TNNI3K: variants seen among roughly 807,000 people sequenced by gnomAD.
TNNI3K encodes the protein serine/threonine-protein kinase TNNI3K.
In TNNI3K, 140 loss-of-function variants were observed where a neutral mutation model predicts 114.5. That is an observed-to-expected ratio of 1.22 (90% CI 1.07 to 1.41). The LOEUF is 1.41. Among genes scored for constraint, TNNI3K ranks in the 40% most tolerant of loss-of-function variants. The pLI is 0.00. For synonymous variants in TNNI3K, 347 were observed against 347.5 expected (o/e 1.00, Z 0.02); for missense variants, 1,125 against 1,007.6 (o/e 1.12, Z -1.58).
rs532560678 is a variant in TNNI3K, at chr1:74,503,000, G to A, written c.2351+10734G>A. Among the ~76,000 whole-genome samples, 21 of 152,298 alleles carry A rather than the reference G, an allele frequency of 1.4e-4. No individual in the cohort carries two copies. In the South Asian group the frequency reaches 4.4e-3, roughly 32 times the overall value. On this transcript the variant is annotated intron_variant, in intron 23 of 24. Transcript: ENST00000326637. ...AGTGACACTTGTGGACTAGCTTTGA[G>A]GATAGCTCTACTTCAGCATGATTTC...
chr1:74,515,910 T>C (rs928633061), intron 23 of TNNI3K, among the ~76,000 whole-genome samples: 3 of 152,204 alleles, frequency 2.0e-5, no homozygotes, highest in Non-Finnish European at 4.4e-5. Flanking sequence ...ATAGTGCCAG[T>C]TTACCTCCTG....
chr1:74,480,544 G>A, intron 21 of TNNI3K: 1 of 717,420 alleles, frequency 1.4e-6, no homozygotes, highest in Non-Finnish European at 2.6e-6. Context: ...CTTTCCCAAT[G>A]TAGGAAATAA....
intron 17 of TNNI3K, among the ~76,000 whole-genome samples, chr1:74,426,169 T>C (rs1318488408): frequency 1.3e-5 from 2 of 152,082 alleles, no homozygotes; most frequent in Admixed American, 6.6e-5. Flanking sequence ...AAAGCTATAG[T>C]TTCAGATTAG....
At chr1:74,332,956 C>CAA (rs796977281) in intron 6 of TNNI3K, among the ~76,000 whole-genome samples, 6 of 92,698 alleles carry the variant, frequency 6.5e-5, no homozygotes, top group African/African-American at 2.1e-4. Flanking sequence ...CTGAAAATAA[C>CAA]AAAAAAAAAA....
At chr1:74,465,541 C>G (rs1042553332) in intron 21 of TNNI3K, among the ~76,000 whole-genome samples, 11 of 151,446 alleles carry the variant, frequency 7.3e-5, no homozygotes, top group Admixed American at 3.9e-4. Flanking sequence ...CGAGTCCCCC[C>G]CCAACCGTGG....
intron 2 of TNNI3K, 55 bp downstream of exon 2, chr1:74,236,265 AT>A: frequency 6.7e-7 from 1 of 1,490,716 alleles, no homozygotes; most frequent in African/African-American, 1.4e-5. Flanking sequence ...TATTCACCTT[AT>A]TTTTTAAAGT....
chr1:74,248,629 G>A (rs942481756), intron 2 of TNNI3K, among the ~76,000 whole-genome samples: 26 of 152,126 alleles, frequency 1.7e-4, no homozygotes, highest in Admixed American at 2.0e-4. Flanking sequence ...CATCATTTTT[G>A]TTGAGGCTTA....
Position 74,372,437 on chromosome 1 carries a change from T to C in TNNI3K, c.1772+2045T>C, listed in dbSNP as rs190344987. On this transcript the variant is annotated intron_variant, in intron 17 of 24. Transcript: ENST00000326637. ...TACGTGAGTGGTAGAATCTTAAATATTGAAAGTAAATGTAAATAAGTCTCA... is the reference window on the plus strand; with the variant it reads ...TACGTGAGTGGTAGAATCTTAAATACTGAAAGTAAATGTAAATAAGTCTCA... The C allele has an allele frequency of 8.6e-5, 13 of 151,994 alleles. No individual in the cohort carries two copies. The East Asian group carries it at 2.3e-3, about 27-fold the overall frequency. 9.4% of individuals were successfully genotyped at this position (151,994 alleles called of 1,614,324 possible).
rs371872677 is a variant in TNNI3K at position 74,449,744 on chromosome 1, A to G, written c.2011+10122A>G. Among the ~76,000 whole-genome samples the G allele has an allele frequency of 9.6e-3, 1,440 of 150,462 alleles. 19 individuals carry two copies. The highest frequency in any genetic ancestry group is 0.045 in the East Asian group (225 of 5,034). On this transcript the variant is annotated intron_variant, in intron 20 of 24. Coordinates refer to ENST00000326637, the MANE Select transcript of TNNI3K (RefSeq NM_015978.3). ...TATGCACCCAATACAGGAGCACCCA[A>G]ATTCATAAAGCAAGTCCTGAGTGAC... is the stretch of plus-strand genomic sequence containing the variant.
intron 5 of TNNI3K, among the ~76,000 whole-genome samples, chr1:74,301,888 C>T (rs1212942411): frequency 1.3e-5 from 2 of 152,192 alleles, no homozygotes; most frequent in Non-Finnish European, 2.9e-5. Flanking sequence ...ACAGCAGTGA[C>T]TTCTAAATGA....
chr1:74,358,281 G>A (rs1354796790), intron 11 of TNNI3K, among the ~76,000 whole-genome samples: 4 of 152,190 alleles, frequency 2.6e-5, no homozygotes, highest in East Asian at 1.9e-4. Flanking sequence ...CAGCAAAGGC[G>A]CCTAATTCAC....
chr1:74,292,502 T>G (rs901302000), intron 5 of TNNI3K, among the ~76,000 whole-genome samples: 1 of 151,636 alleles, frequency 6.6e-6, no homozygotes, highest in Non-Finnish European at 1.5e-5. Context: ...CTTTACAAAC[T>G]TAGTGTTTTT....
chr1:74,530,723 GTT>G (rs34494942), intron 23 of TNNI3K, among the ~76,000 whole-genome samples: 236 of 142,156 alleles, frequency 1.7e-3, no homozygotes, highest in African/African-American at 4.5e-3. Flanking sequence ...AACTCAAAAA[GTT>G]TTTTTTTTTT....
Position 74,460,808 on chromosome 1 carries a change from T to C in TNNI3K, c.2012-2633T>C, listed in dbSNP as rs78213635. Reference sequence around the variant, plus strand: ...AGTGCTTAAAGCAAAGGGGAGGAGATGCCAAGACTTTGCAGAATCTACTTT... The same window carrying C: ...AGTGCTTAAAGCAAAGGGGAGGAGACGCCAAGACTTTGCAGAATCTACTTT... On this transcript the variant is annotated intron_variant, in intron 20 of 24. Coordinates refer to ENST00000326637, the MANE Select transcript of TNNI3K (RefSeq NM_015978.3). 3.5e-3 allele frequency among the ~76,000 whole-genome samples: 531 copies of C among 152,364 alleles called. 21 individuals carry two copies. In the East Asian group the frequency reaches 0.072, roughly 21 times the overall value.
intron 5 of TNNI3K, among the ~76,000 whole-genome samples, chr1:74,327,373 A>G (rs1439472662): frequency 6.7e-6 from 1 of 148,684 alleles, no homozygotes; most frequent in Non-Finnish European, 1.5e-5. Flanking sequence ...TTCTTTGATA[A>G]TAATACTACT....
At chr1:74,295,391 T>C (rs1657920965) in intron 5 of TNNI3K, among the ~76,000 whole-genome samples, 1 of 152,204 alleles carries the variant, frequency 6.6e-6, no homozygotes, top group Non-Finnish European at 1.5e-5. Flanking sequence ...ATTTTAAAAA[T>C]TGTCTGTATA....
intron 7 of TNNI3K, among the ~76,000 whole-genome samples, chr1:74,342,165 G>A (rs1438044299): frequency 2.0e-5 from 3 of 152,074 alleles, no homozygotes; most frequent in East Asian, 1.9e-4. Flanking sequence ...TGCAGTATAC[G>A]GAATTACCCA....
At chr1:74,344,064 T>C (rs1437807260) in intron 9 of TNNI3K, among the ~76,000 whole-genome samples, 1 of 152,206 alleles carries the variant, frequency 6.6e-6, no homozygotes, top group Non-Finnish European at 1.5e-5. Context: ...CATAATGTTT[T>C]TGTATTGCAT....
At chr1:74,238,251 A>C (rs1653979720) in intron 2 of TNNI3K, among the ~76,000 whole-genome samples, 1 of 152,070 alleles carries the variant, frequency 6.6e-6, no homozygotes, top group South Asian at 2.1e-4. Context: ...CATGGTTTTA[A>C]ATACAGCTTC....
Sources: allele counts gnomAD v4.1 joint callset (sites outside exome capture counted in the v4.1 genomes callset), GRCh38; gene constraint gnomAD v4.1.1; transcripts MANE v1.5; gene names NCBI Gene and HGNC (gene_info 2026-07-23, HGNC 2026-07-21).